The following ADGRE2 variants were observed in gnomAD, a reference collection of about 807,000 sequenced individuals.
ADGRE2 encodes the protein adhesion G protein-coupled receptor E2.
A neutral mutation model predicts 100.8 loss-of-function variants in ADGRE2; 83 were observed. The observed-to-expected ratio is 0.82, with a 90% CI of 0.69 to 0.99. The LOEUF (loss-of-function observed/expected upper bound fraction) is 0.99, where lower values mean the gene tolerates loss of function less well. ADGRE2 is among the 50% of genes least tolerant of loss of function. ADGRE2 has a pLI of 0.00. For synonymous variants in ADGRE2, 355 were observed against 413.0 expected, an observed-to-expected ratio of 0.86 and a Z score of 1.70; for missense variants, 814 against 1,035.7, an observed-to-expected ratio of 0.79 and a Z score of 2.94.
rs528605311 is a variant in ADGRE2, at chr19:14,748,957, C to G, written c.2025-1995G>C. 2.0e-5 allele frequency among the ~76,000 whole-genome samples: 3 copies of G among 151,914 alleles called. No individual in the cohort carries two copies. In the East Asian group the frequency reaches 5.8e-4, roughly 29 times the overall value. On this transcript the variant is annotated intron_variant, in intron 16 of 20. Coordinates refer to ENST00000315576, the MANE Select transcript of ADGRE2 (RefSeq NM_013447.4). ...ATACCCTGACCAGGTGGTAATTATC[C>G]CAGGAATGTAAGGCTAGTTTAACAT...
chr19:14,765,480 G>A (rs1165715237), intron 9 of ADGRE2, 44 bp downstream of exon 9: 7 of 1,612,474 alleles, frequency 4.3e-6, no homozygotes, highest in Admixed American at 3.3e-5. Context: ...GCAGTGCTGT[G>A]TGGATGGAGT....
At chr19:14,741,953 A>C (rs1446716351) in intron 20 of ADGRE2, 1 of 398,428 alleles carries the variant, frequency 2.5e-6, no homozygotes, top group Non-Finnish European at 4.4e-6. Flanking sequence ...CATCAATGTC[A>C]TGAATTATCC....
intron 16 of ADGRE2, among the ~76,000 whole-genome samples, chr19:14,748,089 A>G (rs148707239): frequency 6.6e-6 from 1 of 152,154 alleles, no homozygotes; most frequent in Non-Finnish European, 1.5e-5. Flanking sequence ...GGTCATCAGC[A>G]CAGTACTCTA....
At chr19:14,739,977 T>C (rs942954937) in intron 20 of ADGRE2, among the ~76,000 whole-genome samples, 1 of 152,098 alleles carries the variant, frequency 6.6e-6, no homozygotes, top group Non-Finnish European at 1.5e-5. Flanking sequence ...GGCGGGTGCC[T>C]GTAATCCTAG....
chr19:14,737,323 A>G (rs183095595), intron 20 of ADGRE2, among the ~76,000 whole-genome samples: 1 of 152,062 alleles, frequency 6.6e-6, no homozygotes, highest in East Asian at 1.9e-4. Context: ...GAGTAGCTGC[A>G]ACTACAGGCA....
intron 14 of ADGRE2, among the ~76,000 whole-genome samples, chr19:14,754,209 C>G (rs1162927023): frequency 6.6e-6 from 1 of 152,042 alleles, no homozygotes; most frequent in East Asian, 1.9e-4. Context: ...TCTCCTTGCT[C>G]CTCAGCCTGC....
chr19:14,727,283 C>T, the ADGRE2 span, among the ~76,000 whole-genome samples: 12 of 152,172 alleles, frequency 7.9e-5, no homozygotes, highest in Non-Finnish European at 1.5e-4. Context: ...CCGCCTTGGC[C>T]TCCCAAAATG....
intron 11 of ADGRE2, among the ~76,000 whole-genome samples, chr19:14,762,249 G>T (rs1424828887): frequency 6.6e-6 from 1 of 150,838 alleles, no homozygotes; most frequent in Non-Finnish European, 1.5e-5. Context: ...ATCAATGGAT[G>T]GATGGATAAA....
the ADGRE2 span, among the ~76,000 whole-genome samples, chr19:14,724,938 A>G: frequency 6.6e-6 from 1 of 152,194 alleles, no homozygotes; most frequent in African/African-American, 2.4e-5. Context: ...ACTTTTAGGG[A>G]GAGATGTACT....
chr19:14,769,578 A>T, intron 5 of ADGRE2, among the ~76,000 whole-genome samples: 1 of 152,096 alleles, frequency 6.6e-6, no homozygotes, highest in East Asian at 1.9e-4. Flanking sequence ...TTCTGTGCGG[A>T]TGGGGTCCAT....
intron 2 of ADGRE2, among the ~76,000 whole-genome samples, chr19:14,775,394 A>G (rs765192061): frequency 1.4e-4 from 21 of 151,656 alleles, no homozygotes; most frequent in Admixed American, 1.4e-3. Context: ...GCCTCAAGCG[A>G]TCCTCCTGCC....
intron 6 of ADGRE2, among the ~76,000 whole-genome samples, 192 bp downstream of exon 6, chr19:14,766,786 A>C (rs1024303022): frequency 6.6e-6 from 1 of 152,190 alleles, no homozygotes; most frequent in Non-Finnish European, 1.5e-5. Flanking sequence ...CCAAGCCCTG[A>C]AGGCCCTGCC....
At chr19:14,762,162 A>G (rs999509096) in intron 11 of ADGRE2, among the ~76,000 whole-genome samples, 19 of 152,020 alleles carry the variant, frequency 1.2e-4, no homozygotes, top group African/African-American at 4.3e-4. Context: ...TTTAGCTCAC[A>G]ATAAATCTCT....
chr19:14,738,093 A>G lies in ADGRE2; in HGVS notation c.2464-1849T>C, dbSNP rs1374232313. On this transcript the variant is annotated intron_variant, in intron 20 of 20. Coordinates refer to ENST00000315576, the MANE Select transcript of ADGRE2 (RefSeq NM_013447.4). ...TGAATGTTATTAGTACAAAGAAAAG[A>G]TAAGTATTTAAGGTGATAGATATCT... Among the ~76,000 whole-genome samples the G allele has an allele frequency of 3.3e-5, 5 of 150,190 alleles. No homozygotes were observed. The East Asian group carries it at 9.6e-4, about 29-fold the overall frequency.
At chr19:14,739,975 C>T (rs765144166) in intron 20 of ADGRE2, among the ~76,000 whole-genome samples, 71 of 152,072 alleles carry the variant, frequency 4.7e-4, no homozygotes, top group Non-Finnish European at 7.9e-4. Flanking sequence ...GTGGCGGGTG[C>T]CTGTAATCCT....
intron 16 of ADGRE2, among the ~76,000 whole-genome samples, chr19:14,747,266 C>T (rs577242889): frequency 6.6e-6 from 1 of 151,912 alleles, no homozygotes; most frequent in East Asian, 1.9e-4. Flanking sequence ...TTTGGGAGGC[C>T]GAGGTGGGAG....
At chr19:14,750,572 C>G (rs1017336867) in intron 16 of ADGRE2, among the ~76,000 whole-genome samples, 2 of 60,956 alleles carry the variant, frequency 3.3e-5, no homozygotes, top group Non-Finnish European at 5.6e-5. Context: ...AATTGGCAAA[C>G]AAACAAACAA....
At chr19:14,751,070 C>T (rs2043268397) in intron 16 of ADGRE2, among the ~76,000 whole-genome samples, 1 of 152,122 alleles carries the variant, frequency 6.6e-6, no homozygotes. Flanking sequence ...GTGTCAGCCT[C>T]CCAAAGCACA....
intron 5 of ADGRE2, among the ~76,000 whole-genome samples, chr19:14,769,721 C>T (rs1003524001): frequency 1.3e-5 from 2 of 151,862 alleles, no homozygotes; most frequent in African/African-American, 4.8e-5. Context: ...TTTTTGGAGA[C>T]GGAGTCTCGC....
Sources: gnomAD v4.1 joint callset for allele counts (sites outside exome capture counted in the v4.1 genomes callset) on GRCh38, gnomAD v4.1.1 for gene constraint, MANE v1.5 for transcripts, NCBI Gene and HGNC (gene_info 2026-07-23, HGNC 2026-07-21) for gene names.